The following SORCS1 variants were observed in gnomAD, a reference collection of about 807,000 sequenced individuals.
SORCS1 encodes the protein sortilin related VPS10 domain containing receptor 1, also known as VPS10 domain-containing receptor SorCS1.
In SORCS1, 60 loss-of-function variants were observed where a neutral mutation model predicts 146.1. The observed-to-expected ratio is 0.41, with a 90% CI of 0.33 to 0.51. The LOEUF (loss-of-function observed/expected upper bound fraction) is 0.51, where lower values mean the gene tolerates loss of function less well. Among genes scored for constraint, SORCS1 ranks in the 20% least tolerant of loss-of-function variants. The pLI, the probability that SORCS1 is intolerant of heterozygous loss-of-function variation, is 0.21. For missense variants in SORCS1, 1,352 were observed against 1,487.6 expected (o/e 0.91, Z 1.50); for synonymous variants, 637 against 584.0 (o/e 1.09, Z -1.31).
chr10:106,968,387 T>C (rs1470439698), intron 1 of SORCS1, among the ~76,000 whole-genome samples: 1 of 152,208 alleles, frequency 6.6e-6, no homozygotes, highest in African/African-American at 2.4e-5. Context: ...TTATAGACAC[T>C]ATCTAAATAT....
At chr10:107,010,385 C>T (rs536103309) in intron 1 of SORCS1, among the ~76,000 whole-genome samples, 8 of 152,146 alleles carry the variant, frequency 5.3e-5, no homozygotes, top group Non-Finnish European at 8.8e-5. Flanking sequence ...CTTAATCATG[C>T]TCCACTGAGT....
intron 1 of SORCS1, among the ~76,000 whole-genome samples, chr10:107,154,102 C>G (rs1969073601): frequency 6.6e-6 from 1 of 150,604 alleles, no homozygotes; most frequent in African/African-American, 2.5e-5. Context: ...ACCTCCACCT[C>G]CCAGGTTCAA....
chr10:106,886,090 C>T (rs1216084071), intron 2 of SORCS1, among the ~76,000 whole-genome samples: 1 of 152,062 alleles, frequency 6.6e-6, no homozygotes, highest in South Asian at 2.1e-4. Flanking sequence ...GGTGAAACCC[C>T]ATTTCTACTA....
intron 3 of SORCS1, among the ~76,000 whole-genome samples, chr10:106,816,212 T>C (rs902256251): frequency 4.6e-5 from 7 of 152,230 alleles, no homozygotes; most frequent in Non-Finnish European, 1.0e-4. Flanking sequence ...TTTTCATTTT[T>C]ATTTCTCTAA....
chr10:106,683,558 C>T (rs1852598232), intron 10 of SORCS1, among the ~76,000 whole-genome samples: 1 of 152,182 alleles, frequency 6.6e-6, no homozygotes, highest in Non-Finnish European at 1.5e-5. Context: ...AAGACATTTC[C>T]CCACCATGTA....
chr10:106,984,814 TCCTGAAA>T (rs60008647), intron 1 of SORCS1, among the ~76,000 whole-genome samples: 7,404 of 152,218 alleles, frequency 0.049, 582 homozygotes, highest in African/African-American at 0.17. Flanking sequence ...CTGATTTCAA[TCCTGAAA>T]CCTCATGGAC....
chr10:107,137,355 T>C (rs114021140), intron 1 of SORCS1, among the ~76,000 whole-genome samples: 2,024 of 152,234 alleles, frequency 0.013, 40 homozygotes, highest in African/African-American at 0.046. Context: ...TGTCAGCATA[T>C]AGTATACCAT....
Position 107,053,397 on chromosome 10 carries a change from C to T in SORCS1, c.559-96817G>A, listed in dbSNP as rs150298114. Among the ~76,000 whole-genome samples the T allele has an allele frequency of 7.5e-3, 1,138 of 152,202 alleles. 11 individuals are homozygous for T. The highest frequency in any genetic ancestry group is 0.011 in the African/African-American group (473 of 41,536). On this transcript the variant is annotated intron_variant, in intron 1 of 25. Coordinates refer to ENST00000263054, the MANE Select transcript of SORCS1 (RefSeq NM_052918.5). ...TTTAGTTCAAGAACAAAACAATCCA[C>T]GGGTCACAATTTGCCAGAAGTAAAT...
intron 17 of SORCS1, among the ~76,000 whole-genome samples, chr10:106,661,972 T>A (rs895922987): frequency 1.3e-5 from 2 of 152,228 alleles, no homozygotes; most frequent in African/African-American, 4.8e-5. Context: ...ACTGTTCCAC[T>A]GTGTGGGTAT....
At chr10:106,998,789 C>T (rs539038582) in intron 1 of SORCS1, among the ~76,000 whole-genome samples, 2 of 152,280 alleles carry the variant, frequency 1.3e-5, no homozygotes, top group East Asian at 3.9e-4. Flanking sequence ...TAAAAATAAC[C>T]TCTCTGATAC....
At chr10:106,705,429 T>A (rs915485316) in intron 8 of SORCS1, among the ~76,000 whole-genome samples, 1 of 152,130 alleles carries the variant, frequency 6.6e-6, no homozygotes. Context: ...GCTGTGTCCT[T>A]GTGTTATGTC....
At chr10:107,004,175 C>CAAAAAAAAA (rs1190654041) in intron 1 of SORCS1, among the ~76,000 whole-genome samples, 1 of 49,576 alleles carries the variant, frequency 2.0e-5, no homozygotes, top group Non-Finnish European at 3.6e-5. Context: ...GATCCCATCT[C>CAAAAAAAAA]AAAAAAAAAA....
At chr10:106,776,434 C>G in intron 4 of SORCS1, 100 bp downstream of exon 4, 1 of 1,493,060 alleles carries the variant, frequency 6.7e-7, no homozygotes, top group Non-Finnish European at 9.2e-7. Flanking sequence ...CTGCTCAGAA[C>G]AAAAATGATC....
At chr10:106,629,061 G>T in intron 19 of SORCS1, 141 bp downstream of exon 19, 1 of 666,954 alleles carries the variant, frequency 1.5e-6, no homozygotes, top group Non-Finnish European at 2.5e-6. Flanking sequence ...TCCTTATTTT[G>T]GTCTCTTAAT....
intron 1 of SORCS1, 75 bp downstream of exon 1, chr10:107,163,894 C>T (rs1234842110): frequency 6.7e-7 from 1 of 1,489,282 alleles, no homozygotes; most frequent in Non-Finnish European, 9.1e-7. Flanking sequence ...CCCCCCAATT[C>T]TCCATCAGAT....
At chr10:106,608,829 C>G (rs139152299) in intron 22 of SORCS1, among the ~76,000 whole-genome samples, 5 of 152,288 alleles carry the variant, frequency 3.3e-5, no homozygotes, top group African/African-American at 1.2e-4. Flanking sequence ...CATGTAGGCC[C>G]ATGACAACTT....
intron 6 of SORCS1, among the ~76,000 whole-genome samples, chr10:106,711,335 CAGA>C (rs1262032467): frequency 3.9e-5 from 6 of 152,030 alleles, no homozygotes; most frequent in Non-Finnish European, 5.9e-5. Context: ...ATGAAAATAT[CAGA>C]AGATGATTAT....
intron 1 of SORCS1, among the ~76,000 whole-genome samples, chr10:106,988,544 CTTTT>C (rs916507577): frequency 6.8e-6 from 1 of 146,960 alleles, no homozygotes; most frequent in Non-Finnish European, 1.5e-5. Context: ...AATATTCTTA[CTTTT>C]TTTTTTTAGA....
intron 2 of SORCS1, among the ~76,000 whole-genome samples, chr10:106,890,900 C>T (rs1951205150): frequency 6.6e-6 from 1 of 151,804 alleles, no homozygotes; most frequent in Non-Finnish European, 1.5e-5. Context: ...TCCTATGAAG[C>T]AGAGTTCAGA....
Sources: allele counts gnomAD v4.1 joint callset (sites outside exome capture counted in the v4.1 genomes callset), GRCh38; gene constraint gnomAD v4.1.1; transcripts MANE v1.5; gene names NCBI Gene and HGNC (gene_info 2026-07-23, HGNC 2026-07-21).